Variants in RBFOX1 observed in about 807,000 individuals in gnomAD.
RBFOX1 encodes RNA binding fox-1 homolog 1.
In RBFOX1, 8 loss-of-function variants were observed where a neutral mutation model predicts 57.7. The observed-to-expected ratio is 0.14, with a 90% CI of 0.08 to 0.25. The LOEUF is 0.25. RBFOX1 is among the 10% of genes least tolerant of loss of function. The pLI, the probability that RBFOX1 is intolerant of heterozygous loss-of-function variation, is 1.00. For missense variants in RBFOX1, 611 were observed against 548.5 expected (o/e 1.11, Z -1.14); for synonymous variants, 326 against 222.4 (o/e 1.47, Z -4.15).
At chr16:6,310,868 C>G (rs932726511) in intron 1 of RBFOX1, among the ~76,000 whole-genome samples, 3 of 147,398 alleles carry the variant, frequency 2.0e-5, no homozygotes, top group African/African-American at 7.6e-5. Flanking sequence ...CTCCCTGAAG[C>G]TATGAAGAAC....
intron 5 of RBFOX1, among the ~76,000 whole-genome samples, chr16:7,543,606 T>C (rs2083543262): frequency 6.6e-6 from 1 of 151,912 alleles, no homozygotes; most frequent in Non-Finnish European, 1.5e-5. Flanking sequence ...TTGAGAACCA[T>C]TGCTTAAGGA....
At chr16:6,854,181 G>C (rs1367428499) in intron 3 of RBFOX1, among the ~76,000 whole-genome samples, 2 of 152,096 alleles carry the variant, frequency 1.3e-5, no homozygotes, top group African/African-American at 4.8e-5. Flanking sequence ...TTCAATAACG[G>C]TTTCTGGGGT....
chr16:6,833,074 G>C (rs1272882528), intron 3 of RBFOX1, among the ~76,000 whole-genome samples: 1 of 151,286 alleles, frequency 6.6e-6, no homozygotes, highest in Non-Finnish European at 1.5e-5. Context: ...TCCACCTCAT[G>C]GTCTTTGAAC....
At chr16:6,645,216 G>A (rs547650558) in intron 2 of RBFOX1, among the ~76,000 whole-genome samples, 1 of 152,222 alleles carries the variant, frequency 6.6e-6, no homozygotes, top group Non-Finnish European at 1.5e-5. Flanking sequence ...AGATAATACA[G>A]AATTTTCTCA....
In RBFOX1 at chr16:7,125,243, A is replaced by G. The variant is rs543272390; in HGVS notation, c.27+73145A>G. ...AGATCTGCCATTTAGCAGAGATAGA[A>G]CTTTGGGGTTGTCGTTCAGCCTTTC... On this transcript the variant is annotated intron_variant, in intron 4 of 15. Coordinates refer to ENST00000550418, the MANE Select transcript of RBFOX1 (RefSeq NM_018723.4). 5.3e-5 allele frequency among the ~76,000 whole-genome samples: 8 copies of G among 152,254 alleles called. No homozygotes were observed. In the South Asian group the frequency reaches 1.7e-3, roughly 32 times the overall value.
chr16:7,439,664 C>G (rs192914354), intron 4 of RBFOX1, among the ~76,000 whole-genome samples: 1 of 152,182 alleles, frequency 6.6e-6, no homozygotes, highest in Non-Finnish European at 1.5e-5. Context: ...GATTAAATAA[C>G]TGTTTTAAAG....
chr16:7,339,881 C>G (rs969879102), intron 4 of RBFOX1, among the ~76,000 whole-genome samples: 2 of 152,244 alleles, frequency 1.3e-5, no homozygotes, highest in African/African-American at 2.4e-5. Flanking sequence ...GGCTGTCACT[C>G]TCCACCTCTC....
intron 3 of RBFOX1, among the ~76,000 whole-genome samples, chr16:5,697,863 T>C (rs1164780525): frequency 6.6e-6 from 1 of 152,184 alleles, no homozygotes; most frequent in African/African-American, 2.4e-5. Flanking sequence ...TTAAGCATGA[T>C]CTTTGCAATA....
intron 3 of RBFOX1, among the ~76,000 whole-genome samples, chr16:6,958,131 G>C (rs568076808): frequency 6.6e-6 from 1 of 152,112 alleles, no homozygotes; most frequent in Non-Finnish European, 1.5e-5. Flanking sequence ...GATTTTGCAC[G>C]TTTTTTGAGA....
At chr16:7,336,741 G>A (rs576736098) in intron 4 of RBFOX1, among the ~76,000 whole-genome samples, 53 of 152,252 alleles carry the variant, frequency 3.5e-4, no homozygotes, top group Non-Finnish European at 6.8e-4. Context: ...TAAACGTAAT[G>A]CAATTGGGCA....
At chr16:7,691,000 G>C (rs2077192989) in intron 14 of RBFOX1, among the ~76,000 whole-genome samples, 1 of 152,094 alleles carries the variant, frequency 6.6e-6, no homozygotes, top group Non-Finnish European at 1.5e-5. Flanking sequence ...ATTGTTCAGG[G>C]AAGTAGTGAT....
At position 6,766,962 on chromosome 16, in the gene RBFOX1, G is replaced by GGGAGGCT. The variant is rs2077420904; in HGVS notation, c.-16+112314_-16+112320dup. 3.9e-5 allele frequency among the ~76,000 whole-genome samples: 6 copies of GGGAGGCT among 152,168 alleles called. No individual in the cohort carries two copies. In the South Asian group the frequency reaches 8.3e-4, roughly 21 times the overall value. ...GTGGTACTAGCCCTTGGTAAGTCGG[G>GGGAGGCT]GGAGGCTGAAGGCTGAAGGAACAAC... On this transcript the variant is annotated intron_variant, in intron 3 of 15. Transcript: ENST00000550418.
intron 2 of RBFOX1, among the ~76,000 whole-genome samples, chr16:6,526,829 C>CACAA (rs1567560528): frequency 6.1e-5 from 2 of 32,896 alleles, no homozygotes; most frequent in Non-Finnish European, 1.1e-4. Context: ...GACTCTGTCT[C>CACAA]AAAAAAAAAA....
At chr16:5,663,249 C>A (rs187956163) in intron 3 of RBFOX1, among the ~76,000 whole-genome samples, 190 of 152,256 alleles carry the variant, frequency 1.2e-3, no homozygotes, top group African/African-American at 4.4e-3. Flanking sequence ...CTTGTTCTGT[C>A]ACCCGGGCTG....
chr16:6,253,199 G>C (rs1419970031), intron 1 of RBFOX1, among the ~76,000 whole-genome samples: 2 of 152,114 alleles, frequency 1.3e-5, no homozygotes, highest in African/African-American at 2.4e-5. Flanking sequence ...ATTTCTCCTA[G>C]AGGAAGTTCA....
intron 1 of RBFOX1, among the ~76,000 whole-genome samples, chr16:6,020,580 A>G (rs925931203): frequency 1.3e-5 from 2 of 152,136 alleles, no homozygotes; most frequent in African/African-American, 2.4e-5. Context: ...GCCAGCCGGG[A>G]AACCTGCGAA....
At chr16:7,601,605 TTATC>T (rs2095028340) in intron 9 of RBFOX1, among the ~76,000 whole-genome samples, 1 of 152,094 alleles carries the variant, frequency 6.6e-6, no homozygotes, top group African/African-American at 2.4e-5. Flanking sequence ...AGCAAAATAT[TTATC>T]TACGAGGAAA....
chr16:7,251,780 ATGC>A (rs1439282664), intron 4 of RBFOX1, among the ~76,000 whole-genome samples: 1 of 152,146 alleles, frequency 6.6e-6, no homozygotes, highest in Non-Finnish European at 1.5e-5. Flanking sequence ...ATAGTGAATA[ATGC>A]TGCAGTGAAC....
intron 2 of RBFOX1, among the ~76,000 whole-genome samples, chr16:6,563,998 A>G (rs1328269442): frequency 6.6e-6 from 1 of 152,004 alleles, no homozygotes; most frequent in African/African-American, 2.4e-5. Context: ...CAGACATGTA[A>G]ACTACAGCAC....
Sources: allele counts gnomAD v4.1 joint callset (sites outside exome capture counted in the v4.1 genomes callset), GRCh38; gene constraint gnomAD v4.1.1; transcripts MANE v1.5; gene names NCBI Gene and HGNC (gene_info 2026-07-23, HGNC 2026-07-21).